Variants in CCDC102B observed in about 807,000 individuals in gnomAD.
CCDC102B encodes the protein coiled-coil domain containing 102B, also known as coiled-coil domain-containing protein 102B.
A neutral mutation model predicts 57.4 loss-of-function variants in CCDC102B; 75 were observed. That is an observed-to-expected ratio of 1.31 (90% CI 1.08 to 1.58). The LOEUF (loss-of-function observed/expected upper bound fraction) is 1.58. CCDC102B is among the 40% of genes most tolerant of loss of function. The probability of loss-of-function intolerance (pLI) is 0.00; values close to 1 mark genes in which losing one functional copy is unlikely to be tolerated. For missense variants in CCDC102B, 636 were observed against 582.6 expected (o/e 1.09, Z -0.94); for synonymous variants, 206 against 201.9 (o/e 1.02, Z -0.17).
At chr18:68,822,229 A>G (rs2036717916) in intron 1 of CCDC102B, among the ~76,000 whole-genome samples, 2 of 151,986 alleles carry the variant, frequency 1.3e-5, no homozygotes, top group African/African-American at 2.4e-5. Context: ...CCCTGTCTCT[A>G]CTAAAAATAC....
Position 68,963,065 on chromosome 18 carries a change from T to C in CCDC102B, c.1264-47869T>C, listed in dbSNP as rs117624551. On this transcript the variant is annotated intron_variant, in intron 6 of 7. Coordinates refer to ENST00000360242, the MANE Select transcript of CCDC102B (RefSeq NM_024781.3). Reference sequence around the variant, plus strand: ...TTAGGTAGAGAAAGAAAACATTCCTTAGTAGATGATGTAGAGAAAAATATG... The same window carrying C: ...TTAGGTAGAGAAAGAAAACATTCCTCAGTAGATGATGTAGAGAAAAATATG... Among the ~76,000 whole-genome samples, 322 of 152,088 alleles carry C rather than the reference T, an allele frequency of 2.1e-3. 11 individuals carry two copies. The East Asian group carries it at 0.055, about 26-fold the overall frequency.
chr18:68,904,866 A>G (rs1264558507), intron 6 of CCDC102B, among the ~76,000 whole-genome samples: 2 of 152,166 alleles, frequency 1.3e-5, no homozygotes, highest in Non-Finnish European at 2.9e-5. Context: ...ACATCCTTTT[A>G]CTTTCATATT....
intron 2 of CCDC102B, among the ~76,000 whole-genome samples, chr18:68,742,326 C>T (rs896964260): frequency 6.6e-6 from 1 of 152,144 alleles, no homozygotes. Flanking sequence ...CCTATAAGAG[C>T]ACCAGTCATA....
In CCDC102B at chr18:69,006,585, CTTTTTTTTTTTTTTTT is replaced by C. The variant is rs200615759; in HGVS notation, c.1264-4336_1264-4321del. Among the ~76,000 whole-genome samples the C allele has an allele frequency of 2.0e-3, 266 of 134,174 alleles. 1 individual carries two copies. The highest frequency in any genetic ancestry group is 2.1e-3 in the Non-Finnish European group (140 of 65,156). The allele number at this position is 134,174 out of a possible 152,430, so 88.0% of individuals were successfully genotyped here. On this transcript the variant is annotated intron_variant, in intron 6 of 7. Coordinates refer to ENST00000360242, the MANE Select transcript of CCDC102B (RefSeq NM_024781.3). ...TACAGGCACATGCCACCACACAGGG[CTTTTTTTTTTTTTTTT>C]TTTTTTTTTTTTGGTATTTTTAGTA...
At chr18:68,827,149 G>A (rs553461707) in intron 1 of CCDC102B, among the ~76,000 whole-genome samples, 40 of 152,114 alleles carry the variant, frequency 2.6e-4, no homozygotes, top group Non-Finnish European at 4.1e-4. Flanking sequence ...TATTAAAAGC[G>A]AGAACTACCC....
chr18:68,915,480 G>T (rs576510240), intron 6 of CCDC102B, among the ~76,000 whole-genome samples: 115 of 152,246 alleles, frequency 7.6e-4, no homozygotes, highest in Non-Finnish European at 1.4e-3. Flanking sequence ...CCATATTAAT[G>T]AGCATTTCAT....
At chr18:68,857,891 T>C (rs1409600178) in intron 4 of CCDC102B, among the ~76,000 whole-genome samples, 1 of 152,210 alleles carries the variant, frequency 6.6e-6, no homozygotes. Context: ...ACTTTGTGCA[T>C]GTATCGTTAC....
intron 6 of CCDC102B, among the ~76,000 whole-genome samples, chr18:68,961,109 T>C (rs531553263): frequency 6.6e-6 from 1 of 152,090 alleles, no homozygotes; most frequent in African/African-American, 2.4e-5. Context: ...ATTTTATTTA[T>C]GTAGATTTGT....
chr18:68,903,076 C>G (rs774075279), intron 6 of CCDC102B, among the ~76,000 whole-genome samples: 2 of 152,092 alleles, frequency 1.3e-5, no homozygotes, highest in Non-Finnish European at 2.9e-5. Flanking sequence ...AATGAGTTTT[C>G]ATAGATGCGT....
chr18:68,883,335 C>T (rs1225085914), intron 5 of CCDC102B, among the ~76,000 whole-genome samples: 1 of 151,540 alleles, frequency 6.6e-6, no homozygotes, highest in Non-Finnish European at 1.5e-5. Context: ...CGCTCAAACC[C>T]AGGAGGCAGA....
At chr18:68,854,651 G>A (rs1176387302) in intron 4 of CCDC102B, among the ~76,000 whole-genome samples, 2 of 152,078 alleles carry the variant, frequency 1.3e-5, no homozygotes, top group African/African-American at 2.4e-5. Context: ...ATCACCCTGA[G>A]GACAGAAACC....
At chr18:68,815,139 T>C (rs2144722752) in intron 1 of CCDC102B, among the ~76,000 whole-genome samples, 2 of 152,320 alleles carry the variant, frequency 1.3e-5, no homozygotes, top group South Asian at 4.1e-4. Context: ...TCTGAGGTTT[T>C]AAGTCATTAA....
chr18:69,045,661 T>A (rs1015972002), intron 7 of CCDC102B, among the ~76,000 whole-genome samples: 3 of 152,128 alleles, frequency 2.0e-5, no homozygotes, highest in African/African-American at 7.2e-5. Flanking sequence ...GTAAACTGCA[T>A]GTCACAGGGG....
At chr18:69,053,453 G>T (rs4377247) in intron 7 of CCDC102B, among the ~76,000 whole-genome samples, 150,317 of 151,572 alleles carry the variant, frequency 0.99, 74,551 homozygotes, top group East Asian at 1. Context: ...GAGGCAAGAG[G>T]GGAAATGGGA....
chr18:69,035,094 GATA>G (rs1310841183), intron 7 of CCDC102B, among the ~76,000 whole-genome samples: 1 of 151,786 alleles, frequency 6.6e-6, no homozygotes, highest in Non-Finnish European at 1.5e-5. Context: ...ATTTCCCTGA[GATA>G]CCCTCATGTT....
chr18:68,990,235 A>G (rs886399055), intron 6 of CCDC102B, among the ~76,000 whole-genome samples: 1 of 152,160 alleles, frequency 6.6e-6, no homozygotes, highest in African/African-American at 2.4e-5. Context: ...ATTTGGCTAC[A>G]TGTAGGGGCC....
At chr18:68,950,344 G>A (rs2049661325) in intron 6 of CCDC102B, among the ~76,000 whole-genome samples, 1 of 151,856 alleles carries the variant, frequency 6.6e-6, no homozygotes, top group South Asian at 2.1e-4. Context: ...TCAATATTTG[G>A]GCATTTGTAT....
At chr18:68,977,693 G>A (rs593385) in intron 6 of CCDC102B, among the ~76,000 whole-genome samples, 20,503 of 151,912 alleles carry the variant, frequency 0.13, 3,133 homozygotes, top group African/African-American at 0.36. Flanking sequence ...CTATGAGTCT[G>A]TGGAATATCC....
intron 2 of CCDC102B, among the ~76,000 whole-genome samples, chr18:68,764,887 TAA>T (rs199969769): frequency 0.067 from 9,526 of 143,224 alleles, 565 homozygotes; most frequent in African/African-American, 0.16. Flanking sequence ...ATAATAATGA[TAA>T]AAAAAAAAAT....
Sources: allele counts gnomAD v4.1 joint callset (sites outside exome capture counted in the v4.1 genomes callset), GRCh38; gene constraint gnomAD v4.1.1; transcripts MANE v1.5; gene names NCBI Gene and HGNC (gene_info 2026-07-23, HGNC 2026-07-21).